RALGAPA2: variants seen among roughly 807,000 people sequenced by gnomAD.
The protein encoded by RALGAPA2 is Ral GTPase activating protein catalytic subunit alpha 2, also known as ral GTPase-activating protein subunit alpha-2.
RALGAPA2 carries 139 observed loss-of-function variants against 230.4 expected under a neutral mutation model. That is an observed-to-expected ratio of 0.60 (90% CI 0.53 to 0.69). The LOEUF (loss-of-function observed/expected upper bound fraction) is 0.69. Among genes scored for constraint, RALGAPA2 ranks in the 30% least tolerant of loss-of-function variants. The probability of loss-of-function intolerance (pLI) is 0.00; values close to 1 mark genes in which losing one functional copy is unlikely to be tolerated. For missense variants in RALGAPA2, 2,163 were observed against 2,276.0 expected (o/e 0.95, Z 1.01); for synonymous variants, 847 against 837.8 (o/e 1.01, Z -0.19).
chr20:20,582,161 A>AGTGTGT lies in RALGAPA2; in HGVS notation c.2707+883_2707+888dup, dbSNP rs35240382. 7.7e-3 allele frequency among the ~76,000 whole-genome samples: 1,132 copies of AGTGTGT among 146,154 alleles called. 7 individuals are homozygous for AGTGTGT. Among genetic ancestry groups the AGTGTGT allele is most frequent in the African/African-American group, 0.018 (712 of 39,642 alleles). ...GAGGTTGACTTACCCAGTGTCACAC[A>AGTGTGT]GTGTGTGTGTGTGTGTGTGTGTGTG... On this transcript the variant is annotated intron_variant, in intron 20 of 39. Coordinates refer to ENST00000202677, the MANE Select transcript of RALGAPA2 (RefSeq NM_020343.4).
intron 10 of RALGAPA2, among the ~76,000 whole-genome samples, chr20:20,629,133 C>A (rs777647088): frequency 1.1e-4 from 17 of 151,982 alleles, no homozygotes; most frequent in Non-Finnish European, 2.1e-4. Context: ...TAGAATTTTC[C>A]CTCCTTGTGT....
intron 10 of RALGAPA2, among the ~76,000 whole-genome samples, chr20:20,623,918 G>T (rs1018016529): frequency 1.3e-5 from 2 of 152,088 alleles, no homozygotes; most frequent in African/African-American, 4.8e-5. Flanking sequence ...AAGTCCTTGT[G>T]AGATTGTCCT....
chr20:20,642,237 G>A (rs1211264208), intron 5 of RALGAPA2, among the ~76,000 whole-genome samples: 1 of 151,356 alleles, frequency 6.6e-6, no homozygotes, highest in Non-Finnish European at 1.5e-5. Flanking sequence ...GGGGGATGGA[G>A]TTTCACTCTG....
intron 32 of RALGAPA2, among the ~76,000 whole-genome samples, chr20:20,511,548 C>A (rs2062705266): frequency 6.6e-6 from 1 of 152,178 alleles, no homozygotes; most frequent in Non-Finnish European, 1.5e-5. Context: ...ACAGATGGCT[C>A]TTTGGTGAGT....
rs550947391 is a variant in RALGAPA2 at position 20,454,717 on chromosome 20, C to A, written c.5495+18112G>T. ...GTCCAGGGAAAGACAGATCTTCACT[C>A]TCCAGCCTCTCACTTGGTCACAGCC... On this transcript the variant is annotated intron_variant, in intron 37 of 39. Transcript: ENST00000202677. 9.2e-5 allele frequency among the ~76,000 whole-genome samples: 14 copies of A among 152,320 alleles called. No homozygotes were observed. In the East Asian group the frequency reaches 2.5e-3, roughly 27 times the overall value.
chr20:20,521,868 A>T (rs904403966), intron 30 of RALGAPA2, among the ~76,000 whole-genome samples: 6 of 152,264 alleles, frequency 3.9e-5, no homozygotes, highest in Non-Finnish European at 7.3e-5. Flanking sequence ...AAGTAAATTC[A>T]CTTTTAGATG....
intron 38 of RALGAPA2, among the ~76,000 whole-genome samples, chr20:20,407,491 G>A (rs1451401084): frequency 1.3e-5 from 2 of 152,326 alleles, no homozygotes; most frequent in Middle Eastern, 3.4e-3. Context: ...TGCATATGGC[G>A]CGGAGGCCTT....
chr20:20,652,609 C>T (rs1220251807), intron 4 of RALGAPA2, among the ~76,000 whole-genome samples: 1 of 152,190 alleles, frequency 6.6e-6, no homozygotes, highest in African/African-American at 2.4e-5. Flanking sequence ...ACACTCTCCA[C>T]AAATACAATC....
intron 20 of RALGAPA2, among the ~76,000 whole-genome samples, chr20:20,582,723 G>A (rs1245087183): frequency 1.3e-5 from 2 of 152,026 alleles, no homozygotes; most frequent in African/African-American, 4.8e-5. Flanking sequence ...CTTACATACT[G>A]TATATGTTAC....
chr20:20,526,862 A>G (rs149109313), intron 27 of RALGAPA2, among the ~76,000 whole-genome samples: 44 of 152,358 alleles, frequency 2.9e-4, no homozygotes, highest in Middle Eastern at 3.4e-3. Context: ...ACCTACATGT[A>G]TAACATACTA....
At chr20:20,592,644 G>C (rs536085583) in intron 16 of RALGAPA2, among the ~76,000 whole-genome samples, 1 of 152,138 alleles carries the variant, frequency 6.6e-6, no homozygotes, top group African/African-American at 2.4e-5. Context: ...TCAAAACTCA[G>C]CCTGTATTAT....
intron 16 of RALGAPA2, among the ~76,000 whole-genome samples, chr20:20,593,183 G>T (rs1293013050): frequency 6.6e-6 from 1 of 152,232 alleles, no homozygotes; most frequent in Non-Finnish European, 1.5e-5. Flanking sequence ...GATTGCAGGC[G>T]TGGGCCATGG....
intron 10 of RALGAPA2, among the ~76,000 whole-genome samples, chr20:20,627,337 GAGA>G (rs946376370): frequency 6.6e-5 from 10 of 152,178 alleles, no homozygotes; most frequent in African/African-American, 2.2e-4. Context: ...GTCAAGTCAG[GAGA>G]AGAAGTTGAT....
intron 30 of RALGAPA2, among the ~76,000 whole-genome samples, chr20:20,523,254 T>A (rs910501436): frequency 3.3e-5 from 5 of 152,114 alleles, no homozygotes; most frequent in African/African-American, 1.2e-4. Flanking sequence ...TTATAAGCAA[T>A]CCAGAGCAAA....
intron 18 of RALGAPA2, among the ~76,000 whole-genome samples, chr20:20,586,979 A>T (rs2065151836): frequency 6.6e-6 from 1 of 152,146 alleles, no homozygotes; most frequent in African/African-American, 2.4e-5. Context: ...ATACCACTGT[A>T]CCAATGAGGA....
intron 1 of RALGAPA2, among the ~76,000 whole-genome samples, chr20:20,703,076 G>C (rs1483148854): frequency 1.3e-5 from 2 of 152,088 alleles, no homozygotes; most frequent in East Asian, 3.9e-4. Context: ...AGGTGGCTGA[G>C]GCATGAGAAT....
intron 37 of RALGAPA2, among the ~76,000 whole-genome samples, chr20:20,436,073 A>G (rs1234086049): frequency 6.6e-6 from 1 of 152,168 alleles, no homozygotes; most frequent in Non-Finnish European, 1.5e-5. Context: ...TAACCCTAAT[A>G]CCAGACAGTA....
In RALGAPA2 at chr20:20,629,320, A is replaced by AACACACACAC. The variant is rs11467035; in HGVS notation, c.1233+33_1233+42dup. On this transcript the variant is annotated intron_variant, in intron 10 of 39. Coordinates refer to ENST00000202677, the MANE Select transcript of RALGAPA2 (RefSeq NM_020343.4). ...AATCATTTCCATTTCAAGAACTTGTAACACACACACACACACACACACACA... is the reference window on the plus strand; with the variant it reads ...AATCATTTCCATTTCAAGAACTTGTAACACACACACACACACACACACACACACACACACA... 5.6e-4 allele frequency: 616 copies of AACACACACAC among 1,108,504 alleles called. 1 individual carries two copies. The highest frequency in any genetic ancestry group is 4.6e-3 in the African/African-American group (287 of 63,074). 68.7% of individuals were successfully genotyped at this position (1,108,504 alleles called of 1,614,324 possible).
chr20:20,464,885 C>A (rs911262036), intron 37 of RALGAPA2, among the ~76,000 whole-genome samples: 5 of 152,006 alleles, frequency 3.3e-5, no homozygotes, highest in African/African-American at 1.2e-4. Flanking sequence ...TGAGTTCCTA[C>A]TATGTGTCAG....
Sources: allele counts gnomAD v4.1 joint callset (sites outside exome capture counted in the v4.1 genomes callset), GRCh38; gene constraint gnomAD v4.1.1; transcripts MANE v1.5; gene names NCBI Gene and HGNC (gene_info 2026-07-23, HGNC 2026-07-21).